The following TRIM71 variants were observed in gnomAD, a reference collection of about 807,000 sequenced individuals.
TRIM71 encodes the protein E3 ubiquitin-protein ligase TRIM71.
TRIM71 carries 9 observed loss-of-function variants against 61.2 expected under a neutral mutation model. The ratio of observed to expected loss-of-function variants is 0.15; its 90% confidence interval spans 0.09 to 0.26. The LOEUF (loss-of-function observed/expected upper bound fraction) is 0.26. Among genes scored for constraint, TRIM71 ranks in the 10% least tolerant of loss-of-function variants. The pLI is 1.00. For synonymous variants in TRIM71, 645 were observed against 553.2 expected (o/e 1.17, Z -2.33); for missense variants, 998 against 1,238.7 (o/e 0.81, Z 2.92).
chr3:32,854,174 A>G (rs1220971713), intron 1 of TRIM71, among the ~76,000 whole-genome samples: 3 of 152,176 alleles, frequency 2.0e-5, no homozygotes, highest in Non-Finnish European at 4.4e-5. Flanking sequence ...ATTTTTTTGT[A>G]GAGACTCAGA....
chr3:32,829,910 T>C (rs1413169994), intron 1 of TRIM71, among the ~76,000 whole-genome samples: 3 of 151,098 alleles, frequency 2.0e-5, no homozygotes, highest in African/African-American at 7.3e-5. Context: ...TAATACTAAA[T>C]TTACTGCCTG....
intron 1 of TRIM71, among the ~76,000 whole-genome samples, chr3:32,835,903 A>G (rs1288613392): frequency 6.6e-6 from 1 of 152,186 alleles, no homozygotes; most frequent in Non-Finnish European, 1.5e-5. Flanking sequence ...TACATACACA[A>G]GCATATAGAG....
chr3:32,864,659 C>T lies in TRIM71; in HGVS notation c.853-9159C>T, dbSNP rs73044187. On this transcript the variant is annotated intron_variant, in intron 1 of 3. Coordinates refer to ENST00000383763, the MANE Select transcript of TRIM71 (RefSeq NM_001039111.3). Reference sequence around the variant, plus strand: ...CACCCCAGTGCCCCCAGGGGCAGAGCATGAGTGTCTGCCGTCTGCCCTCAG... The same window carrying T: ...CACCCCAGTGCCCCCAGGGGCAGAGTATGAGTGTCTGCCGTCTGCCCTCAG... 5.4e-3 allele frequency among the ~76,000 whole-genome samples: 819 copies of T among 152,316 alleles called. 3 individuals are homozygous for T. The highest frequency in any genetic ancestry group is 9.5e-3 in the Non-Finnish European group (647 of 68,018).
intron 1 of TRIM71, among the ~76,000 whole-genome samples, chr3:32,831,303 C>T (rs921445033): frequency 2.7e-5 from 4 of 146,616 alleles, no homozygotes; most frequent in African/African-American, 9.7e-5. Flanking sequence ...ACTTAACTGA[C>T]TTGATTTCTG....
At chr3:32,830,537 T>C (rs953026937) in intron 1 of TRIM71, among the ~76,000 whole-genome samples, 2 of 152,146 alleles carry the variant, frequency 1.3e-5, no homozygotes, top group African/African-American at 2.4e-5. Flanking sequence ...CATCTCCTGC[T>C]CCTGTCCCCA....
intron 1 of TRIM71, among the ~76,000 whole-genome samples, chr3:32,863,721 A>G (rs544375238): frequency 6.6e-6 from 1 of 152,128 alleles, no homozygotes; most frequent in East Asian, 1.9e-4. Flanking sequence ...CTCCTCTGTC[A>G]CCCAGGCTGG....
chr3:32,873,929 C>T lies in TRIM71; in HGVS notation c.964C>T (p.Arg322Trp), dbSNP rs1269913539. 2 of 1,613,844 alleles carry T rather than the reference C, an allele frequency of 1.2e-6. No homozygotes were observed. The highest frequency in any genetic ancestry group is 1.7e-6 in the Non-Finnish European group (2 of 1,179,890). Residue 322 changes from arginine (R) to tryptophan (W), a missense_variant, in exon 2 of 4, where the codon CGG becomes TGG. Physicochemically the swap from Arg to Trp is moderately radical, Grantham distance 101. Coordinates refer to ENST00000383763, the MANE Select transcript of TRIM71 (RefSeq NM_001039111.3). ...CCTCCAGGAGGCACTGCAGGACTCA[C>T]GGGCACTCACCATCCAGCTGCTGGC... ...IYLQEALQDS[R>W]ALTIQLLADA... is the part of the protein sequence containing the mutation.
Position 32,891,009 on chromosome 3 carries a change from G to T in TRIM71, c.1805G>T (p.Ser602Ile). ...CTGAGCTTCGGCAGTGAGGGTGACA[G>T]CGATGGCAAGCTCTGCCGCCCTTGG... is the stretch of plus-strand genomic sequence containing the variant. Reference protein sequence around the residue: ...PGLSFGSEGDSDGKLCRPWGV... With the variant: ...PGLSFGSEGDIDGKLCRPWGV... Residue 602 changes from serine to isoleucine, a missense_variant, in exon 4 of 4, where the codon AGC (serine) becomes ATC (isoleucine). By Grantham distance (142) the Ser-to-Ile change is moderately radical. Coordinates refer to ENST00000383763, the MANE Select transcript of TRIM71 (RefSeq NM_001039111.3). The surrounding 1 kb of genome is among the most constrained non-coding windows in gnomAD (Gnocchi z 8.2). 6.2e-7 allele frequency: 1 copy of T among 1,614,108 alleles called. No homozygotes were observed. The highest frequency in any genetic ancestry group is 1.1e-5 in the South Asian group (1 of 91,084).
At position 32,891,549 on chromosome 3, in the gene TRIM71, G is replaced by A. The variant is rs373870640; in HGVS notation, c.2345G>A (p.Arg782His). 21 of 1,613,398 alleles carry A rather than the reference G, an allele frequency of 1.3e-5. No homozygotes were observed. Among genetic ancestry groups the A allele is most frequent in the East Asian group, 6.7e-5 (3 of 44,882 alleles). ...ATTCACCCCGACTGCCAGTCGGCACGCTTTCTGGGCTCGGAGGGCACAGGC... is the reference window on the plus strand; with the variant it reads ...ATTCACCCCGACTGCCAGTCGGCACACTTTCTGGGCTCGGAGGGCACAGGC... The part of the protein sequence containing the change: ...LVIHPDCQSA[R>H]FLGSEGTGNG... Residue 782 changes from arginine to histidine, a missense_variant, in exon 4 of 4, where the codon CGC becomes CAC. Coordinates refer to ENST00000383763, the MANE Select transcript of TRIM71 (RefSeq NM_001039111.3). The surrounding 1 kb of genome is among the most constrained non-coding windows in gnomAD (Gnocchi z 8.2).
At position 32,818,229 on chromosome 3, in the gene TRIM71, G is replaced by A; in HGVS notation, c.149G>A (p.Gly50Glu). ...TCGGGGGGCGGCGGCGGGGGCCCTG[G>A]GGCGGCGGCGCGCCGCCTACACGTC... is the stretch of plus-strand genomic sequence containing the variant. ...TSSGGGGGGPGAAARRLHVLP... is the reference protein window; with the variant it reads ...TSSGGGGGGPEAAARRLHVLP... Residue 50 changes from glycine to glutamate, a missense_variant, in exon 1 of 4, where the codon GGG (glycine) becomes GAG (glutamate). By Grantham distance (98) the Gly-to-Glu change is moderately conservative. Around this residue, in one of 5 missense-constraint regions of TRIM71, gnomAD observed 527 missense variants for 427.8 expected, o/e 1.23. Transcript: ENST00000383763. The A allele has an allele frequency of 1.3e-6, 2 of 1,507,886 alleles. No individual in the cohort carries two copies. The highest frequency in any genetic ancestry group is 1.8e-6 in the Non-Finnish European group (2 of 1,138,408). The allele number at this position is 1,507,886 out of a possible 1,614,324, so 93.4% of individuals were successfully genotyped here.
chr3:32,818,581 C>G lies in TRIM71; in HGVS notation c.501C>G (p.Leu167=). The G allele has an allele frequency of 7.7e-7, 1 of 1,295,416 alleles. No individual in the cohort carries two copies. Among genetic ancestry groups the G allele is most frequent in the East Asian group, 3.2e-5 (1 of 31,354 alleles). 80.2% of individuals were successfully genotyped at this position (1,295,416 alleles called of 1,614,324 possible). Residue 167 remains leucine, a synonymous_variant, in exon 1 of 4, where the codon CTC becomes CTG. Transcript: ENST00000383763. ...HPRASASAPP[L]PQAPQPPAPS... is the part of the protein sequence containing the mutation. Reference sequence around the variant, plus strand: ...GCGCGTCCGCCTCCGCGCCGCCACTCCCGCAGGCGCCGCAGCCGCCCGCGC... The same window carrying G: ...GCGCGTCCGCCTCCGCGCCGCCACTGCCGCAGGCGCCGCAGCCGCCCGCGC...
chr3:32,850,996 AAT>A (rs1559542679), intron 1 of TRIM71, among the ~76,000 whole-genome samples: 7 of 152,156 alleles, frequency 4.6e-5, no homozygotes, highest in Admixed American at 4.6e-4. Flanking sequence ...ATGAAAAACA[AAT>A]TATTATTTTT....
intron 1 of TRIM71, among the ~76,000 whole-genome samples, chr3:32,837,283 G>A (rs1420406965): frequency 6.6e-6 from 1 of 152,162 alleles, no homozygotes; most frequent in African/African-American, 2.4e-5. Context: ...TCTGTAATAT[G>A]TCTGTGCCAC....
intron 1 of TRIM71, among the ~76,000 whole-genome samples, chr3:32,841,914 G>A (rs1397242844): frequency 2.0e-5 from 3 of 151,982 alleles, no homozygotes; most frequent in African/African-American, 4.8e-5. Context: ...AGTGATCCCC[G>A]GCCTCCCAAA....
chr3:32,870,462 C>T (rs865983550), intron 1 of TRIM71, among the ~76,000 whole-genome samples: 6 of 152,080 alleles, frequency 3.9e-5, no homozygotes, highest in South Asian at 2.1e-4. Flanking sequence ...AGAACTGCAT[C>T]GATCCTGTGT....
chr3:32,859,497 A>G (rs1231335437), intron 1 of TRIM71, among the ~76,000 whole-genome samples: 2 of 152,066 alleles, frequency 1.3e-5, no homozygotes, highest in Non-Finnish European at 2.9e-5. Flanking sequence ...ACTTCAGGTG[A>G]TCCGCCTGCC....
intron 1 of TRIM71, among the ~76,000 whole-genome samples, chr3:32,855,542 T>A (rs1488490669): frequency 6.6e-6 from 1 of 152,200 alleles, no homozygotes; most frequent in Admixed American, 6.5e-5. Flanking sequence ...CCTCTTTTGC[T>A]GCTACATGGG....
In TRIM71 at chr3:32,818,388, C is replaced by T. The variant is rs1696083320; in HGVS notation, c.308C>T (p.Ala103Val). Residue 103 changes from alanine (A) to valine (V), a missense_variant, in exon 1 of 4, where the codon GCG becomes GTG. Ala to Val is a moderately conservative substitution (Grantham distance 64). This residue lies in a region of TRIM71 where 527 missense variants were observed against 427.8 expected (regional missense o/e 1.23). Coordinates refer to ENST00000383763, the MANE Select transcript of TRIM71 (RefSeq NM_001039111.3). ...GACCAGAAAGTAGTGCTAGCCGAGG[C>T]GGCGGGTATGGACGCGCTGCCTTCG... ...VCDQKVVLAE[A>V]AGMDALPSSA... 7.4e-6 allele frequency: 11 copies of T among 1,480,366 alleles called. No homozygotes were observed. Among genetic ancestry groups the T allele is most frequent in the African/African-American group, 1.5e-5 (1 of 68,204 alleles). The allele number at this position is 1,480,366 out of a possible 1,614,324, so 91.7% of individuals were successfully genotyped here.
At chr3:32,861,447 T>A (rs1449905794) in intron 1 of TRIM71, among the ~76,000 whole-genome samples, 1 of 148,466 alleles carries the variant, frequency 6.7e-6, no homozygotes, top group East Asian at 2.2e-4. Flanking sequence ...ATAAATAAAT[T>A]GTTGGCCAGG....
Sources: allele counts gnomAD v4.1 joint callset (sites outside exome capture counted in the v4.1 genomes callset), GRCh38; gene constraint gnomAD v4.1.1; regional missense constraint gnomAD v4.1.1; non-coding constraint Gnocchi (gnomAD v3.1); transcripts MANE v1.5; gene names NCBI Gene and HGNC (gene_info 2026-07-23, HGNC 2026-07-21).